Variants in IQCK observed in about 807,000 individuals in gnomAD.
IQCK encodes IQ domain-containing protein K.
IQCK carries 29 observed loss-of-function variants against 28.1 expected under a neutral mutation model. The observed-to-expected ratio is 1.03, with a 90% confidence interval of 0.77 to 1.41. The LOEUF (loss-of-function observed/expected upper bound fraction) is 1.41. Ranked by LOEUF, IQCK falls within the 40% of genes most tolerant of loss-of-function variation. The probability of loss-of-function intolerance (pLI) is 0.00; values close to 1 mark genes in which losing one functional copy is unlikely to be tolerated. For synonymous variants in IQCK, 113 were observed against 115.1 expected (o/e 0.98, Z 0.12); for missense variants, 359 against 314.7 (o/e 1.14, Z -1.07).
At chr16:19,850,233 A>T (rs900038752) in intron 9 of IQCK, among the ~76,000 whole-genome samples, 2 of 152,054 alleles carry the variant, frequency 1.3e-5, no homozygotes, top group African/African-American at 4.8e-5. Context: ...TCCTGGTGGG[A>T]GGCAGTTGTG....
chr16:19,783,343 A>G (rs2055517408), intron 6 of IQCK, among the ~76,000 whole-genome samples: 1 of 152,116 alleles, frequency 6.6e-6, no homozygotes, highest in Non-Finnish European at 1.5e-5. Flanking sequence ...TTGAGAAAAA[A>G]AGGAGGAGGA....
intron 6 of IQCK, among the ~76,000 whole-genome samples, chr16:19,776,632 C>A (rs2055399302): frequency 6.6e-6 from 1 of 152,146 alleles, no homozygotes; most frequent in Non-Finnish European, 1.5e-5. Context: ...TTGCCGGAAC[C>A]CGAGAAGCAG....
At chr16:19,820,210 G>GAA (rs71375663) in intron 7 of IQCK, among the ~76,000 whole-genome samples, 6 of 150,770 alleles carry the variant, frequency 4.0e-5, no homozygotes, top group South Asian at 2.1e-4. Context: ...AATAACAAAA[G>GAA]AAAAAAAAAT....
intron 6 of IQCK, among the ~76,000 whole-genome samples, chr16:19,785,916 G>A (rs987555625): frequency 6.6e-6 from 1 of 151,972 alleles, no homozygotes; most frequent in East Asian, 1.9e-4. Flanking sequence ...TTTGCTGGGC[G>A]TTTTGTACAA....
chr16:19,817,662 C>T (rs930793730), intron 7 of IQCK, among the ~76,000 whole-genome samples: 5 of 151,488 alleles, frequency 3.3e-5, no homozygotes, highest in African/African-American at 7.3e-5. Flanking sequence ...GAGAGTCAAA[C>T]GATTATAGGA....
intron 6 of IQCK, among the ~76,000 whole-genome samples, chr16:19,774,495 C>T (rs1489883914): frequency 3.4e-5 from 5 of 146,422 alleles, no homozygotes; most frequent in Admixed American, 2.1e-4. Flanking sequence ...GCAACCTCTG[C>T]CTCATGGGCA....
chr16:19,846,611 G>C (rs192549935), intron 9 of IQCK, among the ~76,000 whole-genome samples: 1 of 152,134 alleles, frequency 6.6e-6, no homozygotes, highest in Non-Finnish European at 1.5e-5. Context: ...CTCATTCAAG[G>C]CTGTCACGTT....
intron 6 of IQCK, among the ~76,000 whole-genome samples, chr16:19,777,488 T>C (rs1031290252): frequency 6.6e-6 from 1 of 152,206 alleles, no homozygotes; most frequent in Non-Finnish European, 1.5e-5. Flanking sequence ...TATTTTGTCT[T>C]ATAGAAGAGT....
At chr16:19,831,821 G>A (rs1280164405), downstream of IQCK, among the ~76,000 whole-genome samples, 1 of 152,122 alleles carries the variant, frequency 6.6e-6, no homozygotes, top group Non-Finnish European at 1.5e-5. Context: ...GTCTGAGGGA[G>A]AGTCACATCA....
intron 9 of IQCK, among the ~76,000 whole-genome samples, chr16:19,838,594 T>C (rs2056325756): frequency 1.3e-5 from 2 of 152,308 alleles, no homozygotes; most frequent in Admixed American, 6.5e-5. Context: ...TGCCTACCTG[T>C]GGCTGCCAAA....
intron 1 of IQCK, among the ~76,000 whole-genome samples, chr16:19,721,724 T>C (rs1484309531): frequency 6.6e-6 from 1 of 152,082 alleles, no homozygotes; most frequent in Non-Finnish European, 1.5e-5. Context: ...TAGCTGGGAT[T>C]ACAGGCACCC....
At chr16:19,749,566 C>T (rs1194868924) in intron 4 of IQCK, among the ~76,000 whole-genome samples, 1 of 152,060 alleles carries the variant, frequency 6.6e-6, no homozygotes, top group Non-Finnish European at 1.5e-5. Context: ...TTAAGACCAG[C>T]CTTGGGCAAC....
chr16:19,721,620 CTG>C (rs1977498314), intron 1 of IQCK, among the ~76,000 whole-genome samples: 1 of 147,926 alleles, frequency 6.8e-6, no homozygotes, highest in African/African-American at 2.5e-5. Context: ...AAGTCTGGCT[CTG>C]TCACCCAGGC....
chr16:19,782,335 G>A (rs944148444), intron 6 of IQCK, among the ~76,000 whole-genome samples: 4 of 151,788 alleles, frequency 2.6e-5, no homozygotes, highest in Non-Finnish European at 4.4e-5. Flanking sequence ...GCAGTGAGCC[G>A]AGATCGCACC....
intron 6 of IQCK, among the ~76,000 whole-genome samples, chr16:19,779,911 G>A (rs1351919099): frequency 1.3e-5 from 2 of 151,410 alleles, no homozygotes; most frequent in Non-Finnish European, 2.9e-5. Flanking sequence ...TAGAGACGGG[G>A]TTTCACCATG....
intron 9 of IQCK, among the ~76,000 whole-genome samples, chr16:19,843,327 C>A (rs914151487): frequency 6.6e-6 from 1 of 152,130 alleles, no homozygotes; most frequent in Non-Finnish European, 1.5e-5. Context: ...ATTTTCATCA[C>A]CCCCAGAAGA....
At chr16:19,782,876 AAG>A (rs2055507552) in intron 6 of IQCK, among the ~76,000 whole-genome samples, 1 of 152,232 alleles carries the variant, frequency 6.6e-6, no homozygotes, top group African/African-American at 2.4e-5. Context: ...GCATCTAAAA[AAG>A]AGAAAAGAAG....
Position 19,825,139 on chromosome 16 carries a change from C to G in IQCK, c.691-1887C>G, listed in dbSNP as rs139011702. On this transcript the variant is annotated intron_variant, in intron 7 of 7. Transcript: ENST00000564186. This position sits in a 1 kb window ranked among gnomAD's most constrained non-coding sequence, Gnocchi z 4.2. ...AATTCCAGCTCCACCATATCCAGTACGACTTGGCAAGCCACTAAAACTCAG... is the reference window on the plus strand; with the variant it reads ...AATTCCAGCTCCACCATATCCAGTAGGACTTGGCAAGCCACTAAAACTCAG... 6.6e-6 allele frequency among the ~76,000 whole-genome samples: 1 copy of G among 152,134 alleles called. No homozygotes were observed. Among genetic ancestry groups the G allele is most frequent in the African/African-American group, 2.4e-5 (1 of 41,424 alleles).
chr16:19,759,356 G>A (rs201251344), intron 4 of IQCK, among the ~76,000 whole-genome samples: 23 of 152,120 alleles, frequency 1.5e-4, no homozygotes, highest in Admixed American at 7.9e-4. Context: ...TTACAGGCAC[G>A]TGCCACCATG....
Sources: allele counts gnomAD v4.1 joint callset (sites outside exome capture counted in the v4.1 genomes callset), GRCh38; gene constraint gnomAD v4.1.1; non-coding constraint Gnocchi (gnomAD v3.1); transcripts MANE v1.5; gene names NCBI Gene and HGNC (gene_info 2026-07-23, HGNC 2026-07-21).